Variants in RHOU observed in about 807,000 individuals in gnomAD.
RHOU encodes ras homolog family member U.
RHOU carries 8 observed loss-of-function variants against 12.6 expected under a neutral mutation model. The ratio of observed to expected loss-of-function variants is 0.64; its 90% CI spans 0.37 to 1.15. The LOEUF (loss-of-function observed/expected upper bound fraction) is 1.15. RHOU is among the 50% of genes most tolerant of loss of function. The pLI is 0.01. For synonymous variants in RHOU, 161 were observed against 147.4 expected, an observed-to-expected ratio of 1.09 and a Z score of -0.67; for missense variants, 258 against 347.0, an observed-to-expected ratio of 0.74 and a Z score of 2.04.
At chr1:228,670,535 C>T in the RHOU span, among the ~76,000 whole-genome samples, 2 of 152,186 alleles carry the variant, frequency 1.3e-5, no homozygotes, top group African/African-American at 4.8e-5. Flanking sequence ...TAGGAAAAGC[C>T]AACCTAAAAA....
chr1:228,672,570 C>A, the RHOU span, among the ~76,000 whole-genome samples: 1 of 152,134 alleles, frequency 6.6e-6, no homozygotes, highest in Non-Finnish European at 1.5e-5. Flanking sequence ...CCAGTTAAGT[C>A]AAAAACTACT....
chr1:228,677,538 C>A, the RHOU span, among the ~76,000 whole-genome samples: 41 of 151,702 alleles, frequency 2.7e-4, no homozygotes, highest in African/African-American at 9.9e-4. Flanking sequence ...AGGGCCTCAG[C>A]GATTTTGGAG....
rs1389941481 is a variant in RHOU at position 228,743,931 on chromosome 1, A to T, written c.*191A>T. 2 of 542,286 alleles carry T rather than the reference A, an allele frequency of 3.7e-6. No individual in the cohort carries two copies. The highest frequency in any genetic ancestry group is 7.2e-5 in the Admixed American group (2 of 27,600). 33.6% of individuals were successfully genotyped at this position (542,286 alleles called of 1,614,324 possible). A position where few individuals can be genotyped will look rare whatever the true frequency, so the allele number is the denominator to read the frequency against. ...TTGTTTGTTTGAGCTTAGGGATGAG[A>T]TACTTATGCAAGATATTTTTGAAGT... On this transcript the variant is annotated 3_prime_UTR_variant, in exon 3 of 3. Coordinates refer to ENST00000366691, the MANE Select transcript of RHOU (RefSeq NM_021205.6). The surrounding 1 kb of genome is among the most constrained non-coding windows in gnomAD (Gnocchi z 5.1).
the RHOU span, among the ~76,000 whole-genome samples, chr1:228,646,599 G>A: frequency 3.1e-5 from 4 of 130,946 alleles, no homozygotes; most frequent in African/African-American, 1.2e-4. Context: ...GGGGCAAGAG[G>A]GCGTGGGGTG....
the RHOU span, among the ~76,000 whole-genome samples, chr1:228,681,369 G>A: frequency 2.0e-5 from 3 of 152,200 alleles, no homozygotes; most frequent in East Asian, 3.9e-4. Context: ...AGCCTGGCGG[G>A]GAGCGAGCTG....
At chr1:228,647,867 T>C in the RHOU span, 2 of 152,278 alleles carry the variant, frequency 1.3e-5, no homozygotes, top group African/African-American at 4.8e-5. Flanking sequence ...GGTTGAGAAG[T>C]ACGGCGACCA....
chr1:228,663,635 T>TTTCTTTTCTTTTC, the RHOU span, among the ~76,000 whole-genome samples: 3 of 121,990 alleles, frequency 2.5e-5, no homozygotes, highest in African/African-American at 9.8e-5. Context: ...CTTTTTTTTT[T>TTTCTTTTCTTTTC]TTTTTTTTTT....
the RHOU span, among the ~76,000 whole-genome samples, chr1:228,678,591 G>A: frequency 6.6e-6 from 1 of 152,182 alleles, no homozygotes; most frequent in Non-Finnish European, 1.5e-5. Flanking sequence ...GAGGACCCTC[G>A]AGTAGTGAGG....
At chr1:228,706,452 A>G in the RHOU span, among the ~76,000 whole-genome samples, 6 of 152,336 alleles carry the variant, frequency 3.9e-5, no homozygotes, top group African/African-American at 1.2e-4. Flanking sequence ...AAACAGCTAG[A>G]TTGATTACAG....
At chr1:228,671,803 C>T in the RHOU span, among the ~76,000 whole-genome samples, 1 of 151,060 alleles carries the variant, frequency 6.6e-6, no homozygotes, top group Admixed American at 6.6e-5. Context: ...AACCAGTGGA[C>T]ACTAAGTGGT....
upstream of RHOU, among the ~76,000 whole-genome samples, chr1:228,734,659 C>T (rs1662555524): frequency 2.6e-5 from 4 of 152,152 alleles, no homozygotes. Flanking sequence ...CTTCTCACAC[C>T]ACGCTGTACA....
the RHOU span, among the ~76,000 whole-genome samples, chr1:228,710,504 A>G: frequency 3.3e-5 from 5 of 152,236 alleles, no homozygotes; most frequent in Non-Finnish European, 7.3e-5. Flanking sequence ...GCCTGGTTCA[A>G]TATACGCAAA....
At chr1:228,658,636 T>C in the RHOU span, among the ~76,000 whole-genome samples, 1 of 152,198 alleles carries the variant, frequency 6.6e-6, no homozygotes, top group Non-Finnish European at 1.5e-5. Flanking sequence ...AATTAAGATA[T>C]ATTCTTAAAC....
At chr1:228,647,372 G>T in the RHOU span, among the ~76,000 whole-genome samples, 3 of 152,226 alleles carry the variant, frequency 2.0e-5, no homozygotes, top group East Asian at 1.9e-4. Context: ...GTGGTACCGG[G>T]CGCGTCCGGA....
chr1:228,703,564 C>T, the RHOU span, among the ~76,000 whole-genome samples: 1 of 151,452 alleles, frequency 6.6e-6, no homozygotes, highest in East Asian at 1.9e-4. Context: ...CAGCTAAATG[C>T]CAGAAAAGTA....
chr1:228,725,799 AAGT>A, the RHOU span, among the ~76,000 whole-genome samples: 2 of 152,220 alleles, frequency 1.3e-5, no homozygotes, highest in Admixed American at 1.3e-4. Flanking sequence ...TTTAAACATA[AAGT>A]AGTTGATTGT....
At chr1:228,682,067 T>C in the RHOU span, among the ~76,000 whole-genome samples, 2 of 152,214 alleles carry the variant, frequency 1.3e-5, no homozygotes, top group Non-Finnish European at 2.9e-5. Flanking sequence ...CCTAAGTTGG[T>C]GACTGGCGCC....
At chr1:228,668,243 C>T in the RHOU span, among the ~76,000 whole-genome samples, 1 of 152,130 alleles carries the variant, frequency 6.6e-6, no homozygotes, top group Non-Finnish European at 1.5e-5. Flanking sequence ...CTGTATATAC[C>T]TTTGCACATG....
At chr1:228,690,859 G>C in the RHOU span, among the ~76,000 whole-genome samples, 1 of 151,958 alleles carries the variant, frequency 6.6e-6, no homozygotes, top group African/African-American at 2.4e-5. Flanking sequence ...CTCATGATCT[G>C]ACCTCCTCGG....
Sources: gnomAD v4.1 joint callset for allele counts (sites outside exome capture counted in the v4.1 genomes callset) on GRCh38, gnomAD v4.1.1 for gene constraint, Gnocchi (gnomAD v3.1) non-coding constraint, MANE v1.5 for transcripts, NCBI Gene and HGNC (gene_info 2026-07-23, HGNC 2026-07-21) for gene names.